Variants in PCDHGB6 observed in about 807,000 individuals in gnomAD.
The protein encoded by PCDHGB6 is protocadherin gamma-B6.
PCDHGB6 carries 51 observed loss-of-function variants against 59.1 expected under a neutral mutation model. The observed-to-expected ratio is 0.86, with a 90% CI of 0.69 to 1.09. The LOEUF is 1.09. Ranked by LOEUF, PCDHGB6 falls within the 50% of genes least tolerant of loss-of-function variation. The pLI, the probability that PCDHGB6 is intolerant of heterozygous loss-of-function variation, is 0.00. For missense variants in PCDHGB6, 1,148 were observed against 1,205.1 expected, an observed-to-expected ratio of 0.95 and a Z score of 0.70; for synonymous variants, 466 against 495.1, an observed-to-expected ratio of 0.94 and a Z score of 0.78.
chr5:141,486,522 A>G lies in PCDHGB6; in HGVS notation c.2419-8285A>G. 1 of 1,614,174 alleles carries G rather than the reference A, an allele frequency of 6.2e-7. No homozygotes were observed. Among genetic ancestry groups the G allele is most frequent in the Non-Finnish European group, 8.5e-7 (1 of 1,180,024 alleles). On this transcript the variant is annotated intron_variant, in intron 1 of 3. Transcript: ENST00000520790. The surrounding 1 kb of genome is among the most constrained non-coding windows in gnomAD (Gnocchi z 5.0). The stretch of plus-strand genomic sequence containing the variant: ...TTCCTCAATATTTCAGATGTGAATG[A>G]TAATCCACCCTCTTTCTTTCAGAGG...
At chr5:141,426,876 C>T (rs796453479) in intron 1 of PCDHGB6, 2 of 456,726 alleles carry the variant, frequency 4.4e-6, no homozygotes, top group African/African-American at 2.0e-5. Context: ...GGAGAAGCCC[C>T]TGGGCCAGGA....
intron 1 of PCDHGB6, among the ~76,000 whole-genome samples, chr5:141,438,263 A>G (rs2097944986): frequency 6.6e-6 from 1 of 152,144 alleles, no homozygotes; most frequent in South Asian, 2.1e-4. Flanking sequence ...AAGAGACCAT[A>G]GAATCAAACA....
chr5:141,504,765 C>T lies in PCDHGB6; in HGVS notation c.2478-628C>T, dbSNP rs548234873. ...ATTGAATTTTAGAAATTTCTTCTCC[C>T]TGCTCCAGGGTCTCTTGGGGCCTCC... On this transcript the variant is annotated intron_variant, in intron 2 of 3. Transcript: ENST00000520790. Among the ~76,000 whole-genome samples, 4 of 152,156 alleles carry T rather than the reference C, an allele frequency of 2.6e-5. No homozygotes were observed. The South Asian group carries it at 8.3e-4, about 32-fold the overall frequency.
intron 1 of PCDHGB6, chr5:141,430,896 G>A: frequency 6.2e-7 from 1 of 1,606,012 alleles, no homozygotes; most frequent in Admixed American, 1.7e-5. Context: ...TCTAGGGTGG[G>A]CGACATCTCC....
At chr5:141,421,483 A>C in intron 1 of PCDHGB6, 4 of 1,614,128 alleles carry the variant, frequency 2.5e-6, no homozygotes, top group Non-Finnish European at 3.4e-6. Context: ...CGGCAGCTTG[A>C]TCACGGCAGG....
chr5:141,439,118 G>A (rs1293542421), intron 1 of PCDHGB6, among the ~76,000 whole-genome samples: 3 of 151,390 alleles, frequency 2.0e-5, no homozygotes, highest in Non-Finnish European at 4.4e-5. Flanking sequence ...ACTTGAACCC[G>A]GGAGACAGAG....
rs753845173 is a variant in PCDHGB6, at chr5:141,490,873, C to T, written c.2419-3934C>T. On this transcript the variant is annotated intron_variant, in intron 1 of 3. Coordinates refer to ENST00000520790, the MANE Select transcript of PCDHGB6 (RefSeq NM_018926.3). The surrounding 1 kb of genome is among the most constrained non-coding windows in gnomAD (Gnocchi z 5.4). Reference sequence around the variant, plus strand: ...TCGAGACTCCGGCTCTCCCCCATTGCATGCCAACACATCTCTGCATGTGTT... The same window carrying T: ...TCGAGACTCCGGCTCTCCCCCATTGTATGCCAACACATCTCTGCATGTGTT... 5.6e-6 allele frequency: 9 copies of T among 1,613,884 alleles called. No homozygotes were observed. The highest frequency in any genetic ancestry group is 7.6e-6 in the Non-Finnish European group (9 of 1,179,908).
At chr5:141,435,214 A>G (rs1314928643) in intron 1 of PCDHGB6, among the ~76,000 whole-genome samples, 2 of 152,176 alleles carry the variant, frequency 1.3e-5, no homozygotes, top group South Asian at 2.1e-4. Context: ...AAGTGAATTT[A>G]CTTTCTTTCA....
At chr5:141,467,672 A>T (rs1410623274) in intron 1 of PCDHGB6, among the ~76,000 whole-genome samples, 2 of 151,636 alleles carry the variant, frequency 1.3e-5, no homozygotes, top group Non-Finnish European at 2.9e-5. Context: ...GAAGATTTTT[A>T]TTTTTTTTAG....
chr5:141,440,075 T>C (rs2098148518), intron 1 of PCDHGB6: 1 of 152,428 alleles, frequency 6.6e-6, no homozygotes, highest in Non-Finnish European at 1.5e-5. Flanking sequence ...TGAGGAATAA[T>C]ACTTCATTCT....
chr5:141,444,363 G>A (rs1292799006), intron 1 of PCDHGB6, among the ~76,000 whole-genome samples: 1 of 151,772 alleles, frequency 6.6e-6, no homozygotes, highest in Non-Finnish European at 1.5e-5. Context: ...TAGAGACGGG[G>A]TTTCTCCATG....
intron 1 of PCDHGB6, chr5:141,411,845 G>C (rs984420523): frequency 6.6e-6 from 1 of 151,920 alleles, no homozygotes; most frequent in Non-Finnish European, 1.5e-5. Context: ...AGGTGACAGA[G>C]TGAGACCCTG....
intron 1 of PCDHGB6, chr5:141,412,510 T>G (rs1007512416): frequency 6.6e-6 from 1 of 152,204 alleles, no homozygotes; most frequent in Non-Finnish European, 1.5e-5. Flanking sequence ...ATAAGTTTAA[T>G]GAATTAAGTA....
intron 1 of PCDHGB6, among the ~76,000 whole-genome samples, chr5:141,445,620 C>T (rs561235315): frequency 2.0e-5 from 3 of 151,966 alleles, no homozygotes; most frequent in African/African-American, 4.8e-5. Context: ...TTCTTTTTTT[C>T]GGAAAGTGAT....
intron 1 of PCDHGB6, among the ~76,000 whole-genome samples, chr5:141,474,773 G>T (rs1290099424): frequency 6.6e-6 from 1 of 152,182 alleles, no homozygotes; most frequent in East Asian, 1.9e-4. Flanking sequence ...ATAGTATGAG[G>T]CTCTAACACT....
At chr5:141,438,629 TATATATACAC>T (rs1412065186) in intron 1 of PCDHGB6, among the ~76,000 whole-genome samples, 590 of 47,950 alleles carry the variant, frequency 0.012, no homozygotes, top group African/African-American at 0.039. Flanking sequence ...TATATATATA[TATATATACAC>T]ACACACACAC....
chr5:141,429,760 C>A (rs1036499079), intron 1 of PCDHGB6, among the ~76,000 whole-genome samples: 1 of 152,020 alleles, frequency 6.6e-6, no homozygotes, highest in Non-Finnish European at 1.5e-5. Flanking sequence ...AATTTTTTCC[C>A]TATATTTTGA....
chr5:141,489,339 C>T lies in PCDHGB6; in HGVS notation c.2419-5468C>T. 6.2e-7 allele frequency: 1 copy of T among 1,608,828 alleles called. No individual in the cohort carries two copies. On this transcript the variant is annotated intron_variant, in intron 1 of 3. Transcript: ENST00000520790. The surrounding 1 kb of genome is among the most constrained non-coding windows in gnomAD (Gnocchi z 4.5). ...GCTGGGTGTCTGGGCAGCTTCGTTA[C>T]TCAGTGGTGGAGGAGTCTGAGCCGG...
intron 2 of PCDHGB6, among the ~76,000 whole-genome samples, chr5:141,501,290 TACACAC>T (rs55762287): frequency 0.081 from 10,957 of 136,038 alleles, 480 homozygotes; most frequent in African/African-American, 0.13. Context: ...TATTCCCTTA[TACACAC>T]ACACACACAC....
Sources: allele counts gnomAD v4.1 joint callset (sites outside exome capture counted in the v4.1 genomes callset), GRCh38; gene constraint gnomAD v4.1.1; non-coding constraint Gnocchi (gnomAD v3.1); transcripts MANE v1.5; gene names NCBI Gene and HGNC (gene_info 2026-07-23, HGNC 2026-07-21).